The following EXT1 variants were observed in gnomAD, a reference collection of about 807,000 sequenced individuals.
EXT1 encodes the protein exostosin-1.
In EXT1, 20 loss-of-function variants were observed where a neutral mutation model predicts 82.5. The ratio of observed to expected loss-of-function variants is 0.24; its 90% CI spans 0.17 to 0.35. The LOEUF (loss-of-function observed/expected upper bound fraction) is 0.35, where lower values mean the gene tolerates loss of function less well. EXT1 is among the 10% of genes least tolerant of loss of function. EXT1 has a pLI of 1.00. For synonymous variants in EXT1, 348 were observed against 350.8 expected (o/e 0.99, Z 0.09); for missense variants, 757 against 936.5 (o/e 0.81, Z 2.50).
intron 1 of EXT1, among the ~76,000 whole-genome samples, chr8:118,083,721 A>G (rs191899134): frequency 2.0e-5 from 3 of 152,280 alleles, no homozygotes; most frequent in South Asian, 2.1e-4. Flanking sequence ...CTATTGGTCA[A>G]TGGGTCTCAA....
At chr8:117,819,631 T>C in intron 6 of EXT1, 45 bp downstream of exon 6, 1 of 1,550,010 alleles carries the variant, frequency 6.5e-7, no homozygotes, top group Non-Finnish European at 8.9e-7. Flanking sequence ...GTCTCTGGTC[T>C]GGAGCTGGAG....
At chr8:117,954,682 T>C (rs1049148781) in intron 1 of EXT1, among the ~76,000 whole-genome samples, 7 of 152,158 alleles carry the variant, frequency 4.6e-5, no homozygotes, top group African/African-American at 1.7e-4. Context: ...TCTGCATCTG[T>C]GAATTATTCA....
chr8:117,810,250 T>G (rs538227928), intron 8 of EXT1, among the ~76,000 whole-genome samples: 1 of 152,236 alleles, frequency 6.6e-6, no homozygotes, highest in South Asian at 2.1e-4. Context: ...CAGAGAGACA[T>G]TTAAACAATC....
intron 1 of EXT1, among the ~76,000 whole-genome samples, chr8:117,925,058 T>G (rs1813927682): frequency 6.6e-6 from 1 of 152,210 alleles, no homozygotes; most frequent in Non-Finnish European, 1.5e-5. Context: ...AACATAGAAC[T>G]GTAATTTTTT....
At chr8:117,891,148 C>T (rs1813234592) in intron 1 of EXT1, among the ~76,000 whole-genome samples, 1 of 152,190 alleles carries the variant, frequency 6.6e-6, no homozygotes, top group African/African-American at 2.4e-5. Context: ...GAGCTTTGTA[C>T]ACAAGAACAC....
intron 1 of EXT1, among the ~76,000 whole-genome samples, chr8:118,033,174 T>C (rs1816363287): frequency 6.6e-6 from 1 of 152,238 alleles, no homozygotes; most frequent in Admixed American, 6.5e-5. Flanking sequence ...ACATTTGATG[T>C]TGAGACCCCT....
At chr8:118,021,334 T>C (rs1586347604) in intron 1 of EXT1, among the ~76,000 whole-genome samples, 1 of 152,210 alleles carries the variant, frequency 6.6e-6, no homozygotes, top group South Asian at 2.1e-4. Flanking sequence ...ACTTCCAACA[T>C]GAAAATTCTC....
At chr8:117,836,783 C>T (rs1047530348) in intron 2 of EXT1, among the ~76,000 whole-genome samples, 18 of 141,886 alleles carry the variant, frequency 1.3e-4, no homozygotes, top group African/African-American at 3.2e-4. Flanking sequence ...GAGAGTACCA[C>T]GAATAAAGGG....
intron 1 of EXT1, among the ~76,000 whole-genome samples, chr8:117,883,915 C>A (rs995321744): frequency 6.6e-6 from 1 of 152,166 alleles, no homozygotes; most frequent in African/African-American, 2.4e-5. Flanking sequence ...AGTTTTCGTG[C>A]CAGAAAGGTG....
At chr8:117,982,960 A>C (rs2129770521) in intron 1 of EXT1, among the ~76,000 whole-genome samples, 1 of 152,250 alleles carries the variant, frequency 6.6e-6, no homozygotes. Context: ...AAGATAAAAA[A>C]CCAATTTAAA....
intron 1 of EXT1, among the ~76,000 whole-genome samples, chr8:117,843,915 C>G (rs1032902575): frequency 6.6e-6 from 1 of 152,102 alleles, no homozygotes; most frequent in Non-Finnish European, 1.5e-5. Flanking sequence ...GTGTCTAAAA[C>G]TGACATGTCT....
chr8:117,934,036 A>AT (rs1430528929), intron 1 of EXT1, among the ~76,000 whole-genome samples: 7 of 152,012 alleles, frequency 4.6e-5, no homozygotes, highest in Admixed American at 3.9e-4. Context: ...TGGACACAGG[A>AT]TATCTCTCCC....
chr8:117,940,962 T>C (rs1814260669), intron 1 of EXT1, among the ~76,000 whole-genome samples: 1 of 152,146 alleles, frequency 6.6e-6, no homozygotes, highest in Admixed American at 6.5e-5. Context: ...CATGGGGCCA[T>C]ACATGCCATT....
chr8:117,818,334 C>T, intron 7 of EXT1, 101 bp downstream of exon 7: 1 of 909,200 alleles, frequency 1.1e-6, no homozygotes, highest in Non-Finnish European at 1.8e-6. Context: ...AAAAATAATC[C>T]AGGAACAGGG....
chr8:118,084,945 G>A (rs1477356468), intron 1 of EXT1, among the ~76,000 whole-genome samples: 2 of 152,174 alleles, frequency 1.3e-5, no homozygotes, highest in African/African-American at 4.8e-5. Context: ...ACAGATATTC[G>A]GGCTGGGGGC....
chr8:117,892,053 C>A (rs1413378050), intron 1 of EXT1, among the ~76,000 whole-genome samples: 2 of 152,128 alleles, frequency 1.3e-5, no homozygotes, highest in Non-Finnish European at 2.9e-5. Flanking sequence ...GATCCACCCG[C>A]CTCGGCCTCC....
chr8:117,902,752 ATT>A (rs1813473720), intron 1 of EXT1, among the ~76,000 whole-genome samples: 1 of 152,134 alleles, frequency 6.6e-6, no homozygotes, highest in African/African-American at 2.4e-5. Context: ...TCTTCCATTC[ATT>A]TTTTTCACTT....
At position 118,089,417 on chromosome 8, in the gene EXT1, T is replaced by A. The variant is rs140167754; in HGVS notation, c.962+20668A>T. Among the ~76,000 whole-genome samples, 66 of 152,364 alleles carry A rather than the reference T, an allele frequency of 4.3e-4. No homozygotes were observed. The East Asian group carries it at 0.012, about 27-fold the overall frequency. ...AAGATCTATATGGAGTGACATGGAA[T>A]CGTGTTTGATATATGATTAATCTTC... On this transcript the variant is annotated intron_variant, in intron 1 of 10. Coordinates refer to ENST00000378204, the MANE Select transcript of EXT1 (RefSeq NM_000127.3).
intron 3 of EXT1, 53 bp downstream of exon 3, chr8:117,835,391 A>G: frequency 1.0e-5 from 14 of 1,357,530 alleles, no homozygotes; most frequent in Non-Finnish European, 1.5e-5. Flanking sequence ...GAAAGTTTGG[A>G]CGGGGGCAGC....
Sources: allele counts gnomAD v4.1 joint callset (sites outside exome capture counted in the v4.1 genomes callset), GRCh38; gene constraint gnomAD v4.1.1; transcripts MANE v1.5; gene names NCBI Gene and HGNC (gene_info 2026-07-23, HGNC 2026-07-21).